The following MALRD1 variants were observed in gnomAD, a reference collection of about 807,000 sequenced individuals.
MALRD1 encodes MAM and LDL-receptor class A domain-containing protein 1.
A neutral mutation model predicts 242.1 loss-of-function variants in MALRD1; 247 were observed. The observed-to-expected ratio is 1.02, with a 90% CI of 0.92 to 1.13. MALRD1 has a LOEUF of 1.13. Among genes scored for constraint, MALRD1 ranks in the 50% most tolerant of loss-of-function variants. The probability of loss-of-function intolerance (pLI) is 0.00; values close to 1 mark genes in which losing one functional copy is unlikely to be tolerated. For synonymous variants in MALRD1, 995 were observed against 866.6 expected (o/e 1.15, Z -2.60); for missense variants, 2,989 against 2,533.1 (o/e 1.18, Z -3.86).
chr10:19,477,908 A>C (rs2131165236), intron 29 of MALRD1, among the ~76,000 whole-genome samples: 1 of 152,306 alleles, frequency 6.6e-6, no homozygotes, highest in Admixed American at 6.5e-5. Context: ...GGTTGACAAA[A>C]GGGAAGTTGG....
At position 19,393,237 on chromosome 10, in the gene MALRD1, C is replaced by T. The variant is rs578073924; in HGVS notation, c.4845+3628C>T. Among the ~76,000 whole-genome samples the T allele has an allele frequency of 6.6e-5, 10 of 152,038 alleles. No homozygotes were observed. In the South Asian group the frequency reaches 1.9e-3, roughly 28 times the overall value. The stretch of plus-strand genomic sequence containing the variant: ...ATTTTTGCTAATATTTCTCATTTTT[C>T]ATTTTTAACTGATTTATATTCAGTA... On this transcript the variant is annotated intron_variant, in intron 28 of 39. Coordinates refer to ENST00000454679, the MANE Select transcript of MALRD1 (RefSeq NM_001142308.3).
At chr10:19,204,790 TATG>T in intron 16 of MALRD1, 105 bp from the exon 17 acceptor site, 1 of 1,181,786 alleles carries the variant, frequency 8.5e-7, no homozygotes, top group Non-Finnish European at 1.2e-6. Context: ...AAAAGCGTCT[TATG>T]ATAACTCATT....
chr10:19,425,855 C>A (rs534742170), intron 28 of MALRD1, among the ~76,000 whole-genome samples: 1 of 152,158 alleles, frequency 6.6e-6, no homozygotes, highest in African/African-American at 2.4e-5. Flanking sequence ...GAGTCTCCTT[C>A]GAACCACAGG....
chr10:19,266,540 T>A (rs1839982391), intron 19 of MALRD1, among the ~76,000 whole-genome samples: 1 of 151,822 alleles, frequency 6.6e-6, no homozygotes, highest in African/African-American at 2.4e-5. Flanking sequence ...ACAATTTACA[T>A]CTTTTTATAT....
intron 29 of MALRD1, among the ~76,000 whole-genome samples, chr10:19,459,671 T>C (rs1214741981): frequency 6.6e-6 from 1 of 152,068 alleles, no homozygotes; most frequent in East Asian, 1.9e-4. Flanking sequence ...GTAAACCATT[T>C]GTTACGTACC....
At chr10:19,466,845 T>A (rs941634549) in intron 29 of MALRD1, among the ~76,000 whole-genome samples, 24 of 152,124 alleles carry the variant, frequency 1.6e-4, no homozygotes, top group Non-Finnish European at 2.8e-4. Flanking sequence ...ATATTTTAAA[T>A]AATATATATG....
At chr10:19,599,702 A>T (rs1443481484) in intron 34 of MALRD1, among the ~76,000 whole-genome samples, 1 of 152,124 alleles carries the variant, frequency 6.6e-6, no homozygotes, top group Non-Finnish European at 1.5e-5. Flanking sequence ...GCCATAAGGG[A>T]TAGTAAGAGT....
At chr10:19,521,533 A>C (rs1833884315) in intron 31 of MALRD1, among the ~76,000 whole-genome samples, 1 of 152,128 alleles carries the variant, frequency 6.6e-6, no homozygotes, top group Admixed American at 6.5e-5. Context: ...GGTGCCCTTC[A>C]ATCTGTCTTC....
intron 33 of MALRD1, among the ~76,000 whole-genome samples, chr10:19,592,507 TG>T (rs1201269078): frequency 1.3e-5 from 2 of 152,088 alleles, no homozygotes; most frequent in Non-Finnish European, 2.9e-5. Flanking sequence ...TCCCAGGAGC[TG>T]GGGGAATGAA....
rs190271447 is a variant in MALRD1 at position 19,352,126 on chromosome 10, C to T, written c.4270C>T (p.Arg1424Trp). 2.4e-3 allele frequency: 3,731 copies of T among 1,550,448 alleles called. 17 individuals are homozygous for T. Among genetic ancestry groups the T allele is most frequent in the Non-Finnish European group, 2.6e-3 (2,950 of 1,146,910 alleles). ...CACTGTAGAACAAGGCAATTTCTGG[C>T]GGAGAGAAGAACTGTCACTGTTTGG... ...NLTVEQGNFWRREELSLFGDE... is the reference protein window; with the variant it reads ...NLTVEQGNFWWREELSLFGDE... The change falls in exon 26 of 40, where the codon CGG becomes TGG. Residue 1424 changes from arginine (R) to tryptophan (W), a missense_variant. By Grantham distance (101) the Arg-to-Trp change is moderately radical. Coordinates refer to ENST00000454679, the MANE Select transcript of MALRD1 (RefSeq NM_001142308.3).
At chr10:19,616,616 C>G (rs1217497961) in intron 36 of MALRD1, among the ~76,000 whole-genome samples, 3 of 151,914 alleles carry the variant, frequency 2.0e-5, no homozygotes, top group Non-Finnish European at 4.4e-5. Flanking sequence ...ATATCACTTT[C>G]CTTATTAGAA....
At chr10:19,650,636 G>A (rs972058428) in intron 36 of MALRD1, among the ~76,000 whole-genome samples, 1 of 152,104 alleles carries the variant, frequency 6.6e-6, no homozygotes, top group Admixed American at 6.6e-5. Flanking sequence ...ATATTGTTGT[G>A]AATTTATTAC....
chr10:19,488,880 T>C, intron 29 of MALRD1: 1 of 354,220 alleles, frequency 2.8e-6, no homozygotes, highest in East Asian at 7.5e-5. Context: ...GGATTTTTGT[T>C]AAGAATACTT....
chr10:19,347,035 A>C (rs140357770), intron 24 of MALRD1, among the ~76,000 whole-genome samples: 1 of 152,186 alleles, frequency 6.6e-6, no homozygotes, highest in East Asian at 1.9e-4. Context: ...TGTATAAGGT[A>C]TGACACCTTC....
chr10:19,180,973 T>C (rs923348184), intron 14 of MALRD1, among the ~76,000 whole-genome samples: 2 of 152,188 alleles, frequency 1.3e-5, no homozygotes, highest in Admixed American at 1.3e-4. Context: ...CCACATTTCA[T>C]TGGCATTAAT....
intron 31 of MALRD1, among the ~76,000 whole-genome samples, chr10:19,506,810 G>A (rs984021851): frequency 1.8e-4 from 27 of 152,246 alleles, no homozygotes; most frequent in Middle Eastern, 3.4e-3. Context: ...TAATTCTGTA[G>A]TATTGAAAAT....
At chr10:19,674,337 T>C (rs569419437) in intron 36 of MALRD1, among the ~76,000 whole-genome samples, 6 of 152,274 alleles carry the variant, frequency 3.9e-5, no homozygotes, top group African/African-American at 1.4e-4. Flanking sequence ...AGCCAACATG[T>C]TCAGAGTTTA....
At chr10:19,163,137 T>TGAAAAAAAAAAA (rs1491309752) in intron 12 of MALRD1, among the ~76,000 whole-genome samples, 1 of 43,854 alleles carries the variant, frequency 2.3e-5, no homozygotes, top group Non-Finnish European at 4.1e-5. Flanking sequence ...AAACCCTGTC[T>TGAAAAAAAAAAA]AAAAAAAAAA....
intron 19 of MALRD1, among the ~76,000 whole-genome samples, chr10:19,264,641 T>C (rs750239106): frequency 6.6e-6 from 1 of 151,872 alleles, no homozygotes; most frequent in Non-Finnish European, 1.5e-5. Flanking sequence ...TTTTCGTAGA[T>C]CCGGGGTTTC....
Sources: allele counts gnomAD v4.1 joint callset (sites outside exome capture counted in the v4.1 genomes callset), GRCh38; gene constraint gnomAD v4.1.1; transcripts MANE v1.5; gene names NCBI Gene and HGNC (gene_info 2026-07-23, HGNC 2026-07-21).